CCKBR: variants seen among roughly 807,000 people sequenced by gnomAD.
The protein encoded by CCKBR is cholecystokinin B receptor, also known as gastrin/cholecystokinin type B receptor.
A neutral mutation model predicts 34.6 loss-of-function variants in CCKBR; 33 were observed. The observed-to-expected ratio is 0.95, with a 90% CI of 0.72 to 1.27. The LOEUF (loss-of-function observed/expected upper bound fraction) is 1.27. Among genes scored for constraint, CCKBR ranks in the 50% most tolerant of loss-of-function variants. CCKBR has a pLI of 0.00. For missense variants in CCKBR, 652 were observed against 617.4 expected (o/e 1.06, Z -0.59); for synonymous variants, 269 against 267.5 (o/e 1.01, Z -0.06).
At chr11:6,264,657 C>A in intron 1 of CCKBR, 2 of 632,348 alleles carry the variant, frequency 3.2e-6, no homozygotes, top group South Asian at 1.8e-5. Context: ...TCCTTCTACC[C>A]ATGCCTGTTT....
At chr11:6,262,495 T>G (rs1192897346) in intron 1 of CCKBR, among the ~76,000 whole-genome samples, 1 of 152,074 alleles carries the variant, frequency 6.6e-6, no homozygotes, top group East Asian at 1.9e-4. Flanking sequence ...GCTATTGACA[T>G]AAGTTACATA....
chr11:6,262,840 C>A (rs1178047672), intron 1 of CCKBR, among the ~76,000 whole-genome samples: 2 of 152,040 alleles, frequency 1.3e-5, no homozygotes, highest in Non-Finnish European at 2.9e-5. Context: ...AAAACAAGAG[C>A]TTTTTAAAAT....
At chr11:6,264,321 A>G (rs1372096487) in intron 1 of CCKBR, among the ~76,000 whole-genome samples, 5 of 152,218 alleles carry the variant, frequency 3.3e-5, no homozygotes, top group South Asian at 2.1e-4. Context: ...GTCTGTGTGC[A>G]TGGGTGAACA....
chr11:6,271,656 C>T lies in CCKBR; in HGVS notation c.*113C>T. 9.6e-7 allele frequency: 1 copy of T among 1,044,300 alleles called. No homozygotes were observed. Among genetic ancestry groups the T allele is most frequent in the Non-Finnish European group, 1.4e-6 (1 of 737,804 alleles). The allele number at this position is 1,044,300 out of a possible 1,614,324, so 64.7% of individuals were successfully genotyped here. A position where few individuals can be genotyped will look rare whatever the true frequency, so the allele number is the denominator to read the frequency against. Reference sequence around the variant, plus strand: ...AGGAAACCAACACCCAAAGCATGGACTAACCCCAACGCACAGGAAAAGGTA... The same window carrying T: ...AGGAAACCAACACCCAAAGCATGGATTAACCCCAACGCACAGGAAAAGGTA... On this transcript the variant is annotated 3_prime_UTR_variant, in exon 5 of 5. Coordinates refer to ENST00000334619, the MANE Select transcript of CCKBR (RefSeq NM_176875.4).
rs1848268155 is a variant in CCKBR at position 6,269,937 on chromosome 11, C to T, written c.403+17C>T. ...ACCTCATGGGTGGGTGAGACAACCA[C>T]CCCACCCCCACTTGCCACTCTCCCC... On this transcript the variant is annotated intron_variant, in intron 2 of 4. Transcript: ENST00000334619. 1.2e-6 allele frequency: 2 copies of T among 1,612,596 alleles called. No individual in the cohort carries two copies. Among genetic ancestry groups the T allele is most frequent in the East Asian group, 2.2e-5 (1 of 44,842 alleles).
intron 1 of CCKBR, 135 bp downstream of exon 1, chr11:6,260,214 C>G: frequency 3.3e-6 from 2 of 597,640 alleles, no homozygotes; most frequent in Non-Finnish European, 5.7e-6. Context: ...CCCTCAGCCC[C>G]CAAACAGCTC....
chr11:6,260,893 T>A (rs554052697), intron 1 of CCKBR, among the ~76,000 whole-genome samples: 5 of 152,206 alleles, frequency 3.3e-5, no homozygotes, highest in Admixed American at 6.5e-5. Flanking sequence ...GGAAGTCCCA[T>A]GAAAGGGTCT....
rs7944010 is a variant in CCKBR at position 6,271,920 on chromosome 11, T to C, written c.*377T>C. The C allele has an allele frequency of 0.99, 203,852 of 205,344 alleles. 101,205 individuals carry two copies. The highest frequency in any genetic ancestry group is 1 in the East Asian group (8,380 of 8,380). 12.7% of individuals were successfully genotyped at this position (205,344 alleles called of 1,614,324 possible). On this transcript the variant is annotated 3_prime_UTR_variant, in exon 5 of 5. Coordinates refer to ENST00000334619, the MANE Select transcript of CCKBR (RefSeq NM_176875.4). ...ACTATGGAGCCTGGCACAGGACTGA[T>C]TCTGGGATGCTCCTAGTTTGACCTC...
At chr11:6,270,507 C>G in intron 3 of CCKBR, 139 bp from the exon 4 acceptor site, 1 of 1,346,298 alleles carries the variant, frequency 7.4e-7, no homozygotes, top group Non-Finnish European at 1.0e-6. Context: ...GTTCTCTCTC[C>G]CTTCCCAGCG....
At position 6,271,612 on chromosome 11, in the gene CCKBR, C is replaced by A; in HGVS notation, c.*69C>A. 7.1e-7 allele frequency: 1 copy of A among 1,414,344 alleles called. No homozygotes were observed. The highest frequency in any genetic ancestry group is 9.4e-7 in the Non-Finnish European group (1 of 1,059,380). The allele number at this position is 1,414,344 out of a possible 1,614,324, so 87.6% of individuals were successfully genotyped here. ...CACTGACCCTTCCAGACATACGAAACACAAACCACAACTGACACAGGAAAC... is the reference window on the plus strand; with the variant it reads ...CACTGACCCTTCCAGACATACGAAAAACAAACCACAACTGACACAGGAAAC... On this transcript the variant is annotated 3_prime_UTR_variant, in exon 5 of 5. Transcript: ENST00000334619.
intron 1 of CCKBR, among the ~76,000 whole-genome samples, chr11:6,262,725 A>AGAGAGAGAGAGAGAG (rs59378041): frequency 1.4e-5 from 2 of 147,668 alleles, no homozygotes; most frequent in African/African-American, 2.5e-5. Flanking sequence ...AGAGAGAGAG[A>AGAGAGAGAGAGAGAG]AAGAAAAGCA....
In CCKBR at chr11:6,271,576, C is replaced by T. The variant is rs765657178; in HGVS notation, c.*33C>T. 8 of 1,537,914 alleles carry T rather than the reference C, an allele frequency of 5.2e-6. No individual in the cohort carries two copies. Among genetic ancestry groups the T allele is most frequent in the East Asian group, 2.3e-5 (1 of 44,290 alleles). ...AGGGGCCGTGGGGGTTGAGGCAGGG[C>T]AAATGACATGCACTGACCCTTCCAG... On this transcript the variant is annotated 3_prime_UTR_variant, in exon 5 of 5. Coordinates refer to ENST00000334619, the MANE Select transcript of CCKBR (RefSeq NM_176875.4).
At chr11:6,260,251 A>C (rs1417510157) in intron 1 of CCKBR, among the ~76,000 whole-genome samples, 172 bp downstream of exon 1, 6 of 150,076 alleles carry the variant, frequency 4.0e-5, no homozygotes, top group Admixed American at 6.6e-5. Flanking sequence ...CCCACAGCCT[A>C]CAACTTCATC....
intron 1 of CCKBR, chr11:6,264,598 A>G: frequency 1.4e-6 from 1 of 698,328 alleles, no homozygotes; most frequent in Non-Finnish European, 2.6e-6. Context: ...GCTCACGGGT[A>G]GACTTATCAA....
At position 6,270,098 on chromosome 11, in the gene CCKBR, G is replaced by C; in HGVS notation, c.414G>C (p.Val138=). ...KAVSYLMGVS[V]SVSTLSLVAI... is the part of the protein sequence containing the mutation. Reference sequence around the variant, plus strand: ...TCTTCCCTTGTTTAGGGGTGTCTGTGAGTGTGTCCACGCTAAGCCTCGTGG... The same window carrying C: ...TCTTCCCTTGTTTAGGGGTGTCTGTCAGTGTGTCCACGCTAAGCCTCGTGG... Residue 138 remains valine, a synonymous_variant, in exon 3 of 5, where the codon GTG becomes GTC. Transcript: ENST00000334619. The C allele has an allele frequency of 1.9e-6, 3 of 1,606,130 alleles. No homozygotes were observed. Among genetic ancestry groups the C allele is most frequent in the Non-Finnish European group, 2.6e-6 (3 of 1,174,212 alleles).
chr11:6,269,749 G>A lies in CCKBR; in HGVS notation c.232G>A (p.Val78Ile). 1.2e-6 allele frequency: 2 copies of A among 1,614,114 alleles called. No homozygotes were observed. Among genetic ancestry groups the A allele is most frequent in the Non-Finnish European group, 1.7e-6 (2 of 1,180,014 alleles). Residue 78 changes from valine (V) to isoleucine (I), a missense_variant, in exon 2 of 5, where the codon GTC becomes ATC. By Grantham distance (29) the Val-to-Ile change is conservative. Transcript: ENST00000334619. ...SVGGNMLIIV[V>I]LGLSRRLRTV... ...TGGAGGAAATATGCTCATCATCGTG[G>A]TCCTGGGACTGAGCCGCCGCCTGAG...
chr11:6,269,456 C>T (rs1247042776), intron 1 of CCKBR, among the ~76,000 whole-genome samples: 1 of 152,108 alleles, frequency 6.6e-6, no homozygotes, highest in Non-Finnish European at 1.5e-5. Context: ...AAGAGACAGG[C>T]TTTCTTAAGG....
At chr11:6,261,454 A>AAAAAAAAAATAT (rs1447691939) in intron 1 of CCKBR, among the ~76,000 whole-genome samples, 1 of 60,894 alleles carries the variant, frequency 1.6e-5, no homozygotes, top group African/African-American at 6.3e-5. Flanking sequence ...AAAAAAAAAA[A>AAAAAAAAAATAT]ATATATATAC....
At position 6,260,032 on chromosome 11, in the gene CCKBR, G is replaced by A; in HGVS notation, c.104G>A (p.Gly35Asp). The A allele has an allele frequency of 6.3e-7, 1 of 1,596,916 alleles. No homozygotes were observed. The highest frequency in any genetic ancestry group is 1.1e-5 in the South Asian group (1 of 89,298). The change falls in exon 1 of 5, where the codon GGC (glycine) becomes GAC (aspartate). Residue 35 changes from glycine to aspartate, a missense_variant. Physicochemically the swap from Gly to Asp is moderately conservative, Grantham distance 94. Coordinates refer to ENST00000334619, the MANE Select transcript of CCKBR (RefSeq NM_176875.4). ...GAPLLNSSSV[G>D]NLSCEPPRIR... The stretch of plus-strand genomic sequence containing the variant: ...CCTCTCCTCAACAGCAGCAGTGTGG[G>A]CAACCTCAGCTGCGAGCCCCCTCGC...
Sources: gnomAD v4.1 joint callset for allele counts (sites outside exome capture counted in the v4.1 genomes callset) on GRCh38, gnomAD v4.1.1 for gene constraint, MANE v1.5 for transcripts, NCBI Gene and HGNC (gene_info 2026-07-23, HGNC 2026-07-21) for gene names.